Variants in RERE observed in about 807,000 individuals in gnomAD.
RERE encodes the protein arginine-glutamic acid dipeptide repeats, also known as arginine-glutamic acid dipeptide repeats protein.
In RERE, 40 loss-of-function variants were observed where a neutral mutation model predicts 146.1. The ratio of observed to expected loss-of-function variants is 0.27; its 90% confidence interval spans 0.21 to 0.36. The LOEUF is 0.36. Ranked by LOEUF, RERE falls within the 10% of genes least tolerant of loss-of-function variation. The pLI, the probability that RERE is intolerant of heterozygous loss-of-function variation, is 1.00. For synonymous variants in RERE, 1,003 were observed against 866.0 expected (o/e 1.16, Z -2.78); for missense variants, 1,933 against 2,138.7 (o/e 0.90, Z 1.90).
At chr1:8,777,794 C>G (rs946347654) in intron 1 of RERE, among the ~76,000 whole-genome samples, 1 of 151,282 alleles carries the variant, frequency 6.6e-6, no homozygotes, top group Non-Finnish European at 1.5e-5. Context: ...CTCGGCCTCC[C>G]AAAGTGCTGG....
At chr1:8,652,861 T>C (rs1485678177) in intron 2 of RERE, among the ~76,000 whole-genome samples, 3 of 152,100 alleles carry the variant, frequency 2.0e-5, no homozygotes, top group African/African-American at 7.2e-5. Flanking sequence ...TAATCATAGT[T>C]CACCACGCCC....
At position 8,726,147 on chromosome 1, in the gene RERE, C is replaced by CTT. The variant is rs70985511; in HGVS notation, c.-144-69708_-144-69707dup. Among the ~76,000 whole-genome samples the CTT allele has an allele frequency of 6.9e-3, 479 of 69,370 alleles. 1 individual carries two copies. Among genetic ancestry groups the CTT allele is most frequent in the East Asian group, 8.6e-3 (18 of 2,098 alleles). The allele number at this position is 69,370 out of a possible 152,430, so 45.5% of individuals were successfully genotyped here. Reference sequence around the variant, plus strand: ...AATTCCAGTTTTCCTTTTTTCTTTTCTTTTTTTTTTTTTTTTTTTTTTTTT... The same window carrying CTT: ...AATTCCAGTTTTCCTTTTTTCTTTTCTTTTTTTTTTTTTTTTTTTTTTTTTTT... On this transcript the variant is annotated intron_variant, in intron 1 of 22. Coordinates refer to ENST00000400908, the MANE Select transcript of RERE (RefSeq NM_001042681.2).
intron 8 of RERE, 104 bp from the exon 9 acceptor site, chr1:8,497,633 T>C (rs930747679): frequency 1.7e-6 from 2 of 1,190,230 alleles, no homozygotes; most frequent in Non-Finnish European, 2.4e-6. Context: ...TTACTGAGAC[T>C]CTTTCCTTGG....
At chr1:8,556,388 C>T (rs1646007008) in intron 6 of RERE, 87 bp downstream of exon 6, 1 of 799,242 alleles carries the variant, frequency 1.3e-6, no homozygotes, top group Non-Finnish European at 2.2e-6. Flanking sequence ...AATACAGTGA[C>T]TACTAAAAGA....
chr1:8,502,932 C>A, intron 8 of RERE, among the ~76,000 whole-genome samples: 1 of 150,886 alleles, frequency 6.6e-6, no homozygotes, highest in Admixed American at 6.6e-5. Context: ...TCTTAAGTAC[C>A]CAGGGACACA....
At chr1:8,527,022 A>G (rs1645578759) in intron 7 of RERE, among the ~76,000 whole-genome samples, 1 of 152,240 alleles carries the variant, frequency 6.6e-6, no homozygotes, top group East Asian at 1.9e-4. Context: ...AATGTAATGG[A>G]ATGTCAGGAA....
intron 2 of RERE, among the ~76,000 whole-genome samples, chr1:8,639,065 G>A (rs1043440985): frequency 2.0e-5 from 3 of 151,932 alleles, no homozygotes; most frequent in East Asian, 1.9e-4. Flanking sequence ...GAGCCACCGC[G>A]CCCAGCCAAG....
chr1:8,416,130 A>G (rs1478816175), intron 12 of RERE, among the ~76,000 whole-genome samples: 1 of 152,238 alleles, frequency 6.6e-6, no homozygotes, highest in East Asian at 1.9e-4. Flanking sequence ...TTCCACATAA[A>G]AAGGCTTATT....
intron 4 of RERE, among the ~76,000 whole-genome samples, chr1:8,607,528 A>ATTTTT (rs1557431314): frequency 3.9e-5 from 3 of 77,022 alleles, no homozygotes; most frequent in East Asian, 1.5e-3. Flanking sequence ...GTTTTTATAT[A>ATTTTT]TATTTCTTTT....
chr1:8,573,282 C>G (rs77794703), intron 4 of RERE, among the ~76,000 whole-genome samples: 1 of 152,108 alleles, frequency 6.6e-6, no homozygotes, highest in Non-Finnish European at 1.5e-5. Context: ...GAGGTAACCA[C>G]CACCTTGAAT....
chr1:8,392,129 C>A (rs1381215622), intron 12 of RERE, among the ~76,000 whole-genome samples: 9 of 152,178 alleles, frequency 5.9e-5, no homozygotes. Flanking sequence ...TACAGATCTT[C>A]AGTAAATATC....
chr1:8,559,996 G>A (rs1646059127), intron 4 of RERE, among the ~76,000 whole-genome samples: 1 of 152,158 alleles, frequency 6.6e-6, no homozygotes, highest in Admixed American at 6.5e-5. Flanking sequence ...GAGGGGTAGA[G>A]GAAAAATTAT....
intron 4 of RERE, among the ~76,000 whole-genome samples, chr1:8,577,301 GCTCT>G (rs1025974005): frequency 2.0e-5 from 3 of 151,318 alleles, no homozygotes; most frequent in Admixed American, 6.6e-5. Context: ...ATAGGCCTTT[GCTCT>G]CTCTCTCTCC....
At chr1:8,776,567 G>C (rs552832075) in intron 1 of RERE, among the ~76,000 whole-genome samples, 2 of 152,152 alleles carry the variant, frequency 1.3e-5, no homozygotes, top group African/African-American at 4.8e-5. Flanking sequence ...CAAAGTGCAG[G>C]ACTACAGGTA....
At chr1:8,685,968 A>G (rs1359259062) in intron 1 of RERE, among the ~76,000 whole-genome samples, 1 of 135,094 alleles carries the variant, frequency 7.4e-6, no homozygotes, top group Admixed American at 8.4e-5. Flanking sequence ...AACATTTTAA[A>G]CTCTTTAGGT....
intron 10 of RERE, among the ~76,000 whole-genome samples, chr1:8,476,008 C>T (rs1002619144): frequency 9.2e-5 from 14 of 152,144 alleles, no homozygotes; most frequent in Non-Finnish European, 5.9e-5. Flanking sequence ...AGTTAATTTT[C>T]AGAAGGAAAT....
chr1:8,446,819 G>A (rs1243475710), intron 11 of RERE, among the ~76,000 whole-genome samples: 2 of 151,634 alleles, frequency 1.3e-5, no homozygotes, highest in African/African-American at 2.4e-5. Context: ...GACTACAGGC[G>A]CCCACTGCCA....
chr1:8,497,617 A>G, intron 8 of RERE, 88 bp from the exon 9 acceptor site: 2 of 1,417,918 alleles, frequency 1.4e-6, no homozygotes, highest in Non-Finnish European at 2.0e-6. Context: ...GAACATATAC[A>G]ATGTTTTACT....
intron 1 of RERE, 130 bp from the exon 2 acceptor site, chr1:8,656,571 T>C (rs1374052343): frequency 8.0e-6 from 3 of 373,372 alleles, no homozygotes; most frequent in Non-Finnish European, 1.4e-5. Context: ...AGGAGAAAAA[T>C]TAAGTGTTAA....
Sources: gnomAD v4.1 joint callset for allele counts (sites outside exome capture counted in the v4.1 genomes callset) on GRCh38, gnomAD v4.1.1 for gene constraint, MANE v1.5 for transcripts, NCBI Gene and HGNC (gene_info 2026-07-23, HGNC 2026-07-21) for gene names.